Variants in TMEM263 observed in about 807,000 individuals in gnomAD.
TMEM263 encodes the protein transmembrane protein 263.
Under a neutral mutation model 8.6 loss-of-function variants are expected in TMEM263, and 5 were observed. The ratio of observed to expected loss-of-function variants is 0.58; its 90% CI spans 0.31 to 1.23. The LOEUF (loss-of-function observed/expected upper bound fraction) is 1.23, where lower values mean the gene tolerates loss of function less well. TMEM263 is among the 50% of genes most tolerant of loss of function. The pLI, the probability that TMEM263 is intolerant of heterozygous loss-of-function variation, is 0.07. For synonymous variants in TMEM263, 50 were observed against 47.9 expected, an observed-to-expected ratio of 1.04 and a Z score of -0.18; for missense variants, 104 against 138.8, an observed-to-expected ratio of 0.75 and a Z score of 1.26.
intron 2 of TMEM263, among the ~76,000 whole-genome samples, chr12:106,965,542 G>GC (rs1427549706): frequency 6.6e-6 from 1 of 150,930 alleles, no homozygotes; most frequent in Non-Finnish European, 1.5e-5. Flanking sequence ...GGGAGGCAGA[G>GC]TTGCAGTGAG....
intron 2 of TMEM263, among the ~76,000 whole-genome samples, chr12:106,960,502 A>G (rs1420156914): frequency 6.6e-6 from 1 of 152,212 alleles, no homozygotes; most frequent in African/African-American, 2.4e-5. Context: ...ACTACTGCTA[A>G]TAAATTTTAA....
At chr12:106,963,736 T>C (rs1951809210) in intron 2 of TMEM263, among the ~76,000 whole-genome samples, 1 of 152,238 alleles carries the variant, frequency 6.6e-6, no homozygotes, top group African/African-American at 2.4e-5. Context: ...ATCTATCTTA[T>C]GCTCTCATAA....
rs1314057238 is a variant in TMEM263 at position 106,972,156 on chromosome 12, A to G, written c.*765A>G. The stretch of plus-strand genomic sequence containing the variant: ...GTCAGTGGATAAGACAGAGCTTGTT[A>G]ACTGTTTTGGCAGTAGTTAAAATCA... On this transcript the variant is annotated 3_prime_UTR_variant, in exon 4 of 4. Coordinates refer to ENST00000280756, the MANE Select transcript of TMEM263 (RefSeq NM_152261.4). The G allele has an allele frequency of 6.6e-6, 1 of 152,460 alleles. No homozygotes were observed. Among genetic ancestry groups the G allele is most frequent in the Non-Finnish European group, 1.5e-5 (1 of 68,014 alleles). 9.4% of individuals were successfully genotyped at this position (152,460 alleles called of 1,614,324 possible).
At chr12:106,970,054 T>A (rs1184937203) in intron 3 of TMEM263, among the ~76,000 whole-genome samples, 1 of 152,200 alleles carries the variant, frequency 6.6e-6, no homozygotes, top group East Asian at 1.9e-4. Flanking sequence ...ATAGTTTCTC[T>A]ATCCTACTTA....
chr12:106,962,429 G>A (rs1013552571), intron 2 of TMEM263, among the ~76,000 whole-genome samples: 3 of 152,214 alleles, frequency 2.0e-5, no homozygotes, highest in Middle Eastern at 3.4e-3. Flanking sequence ...CCTCTCTTGC[G>A]TTCCATGAGG....
At chr12:106,966,858 A>G in intron 2 of TMEM263, 1 of 364,528 alleles carries the variant, frequency 2.7e-6, no homozygotes, top group South Asian at 4.0e-5. Context: ...AACATAGGAA[A>G]ACTTATACTA....
intron 2 of TMEM263, chr12:106,959,479 G>C (rs2136757625): frequency 6.6e-6 from 1 of 152,274 alleles, no homozygotes; most frequent in East Asian, 1.9e-4. Flanking sequence ...CTGACCTCAG[G>C]TCATCTGCCT....
intron 2 of TMEM263, among the ~76,000 whole-genome samples, chr12:106,962,927 C>T (rs957951632): frequency 1.3e-5 from 2 of 152,086 alleles, no homozygotes; most frequent in South Asian, 4.1e-4. Context: ...GTGAACAAAC[C>T]AAGCGTTTGT....
intron 2 of TMEM263, chr12:106,959,422 T>TA (rs1206477699): frequency 6.6e-6 from 1 of 152,158 alleles, no homozygotes; most frequent in Non-Finnish European, 1.5e-5. Context: ...TTTCTATTTT[T>TA]AGTAGAGATG....
intron 2 of TMEM263, among the ~76,000 whole-genome samples, chr12:106,957,772 C>T (rs1381222119): frequency 6.6e-6 from 1 of 152,158 alleles, no homozygotes; most frequent in Non-Finnish European, 1.5e-5. Flanking sequence ...AGTTATTACT[C>T]GTCTAAGTGG....
rs994676738 is a variant in TMEM263, at chr12:106,973,321, T to G, written c.*1930T>G. ...TTGTTTCCTGCTATTTGGAAGAGAT[T>G]GTTGCTTCATTGCTAGTTTGTATTT... On this transcript the variant is annotated 3_prime_UTR_variant, in exon 4 of 4. Transcript: ENST00000280756. 1 of 152,596 alleles carries G rather than the reference T, an allele frequency of 6.6e-6. No homozygotes were observed. Among genetic ancestry groups the G allele is most frequent in the Non-Finnish European group, 1.5e-5 (1 of 68,002 alleles). 9.5% of individuals were successfully genotyped at this position (152,596 alleles called of 1,614,324 possible). A position where few individuals can be genotyped will look rare whatever the true frequency, so the allele number is the denominator to read the frequency against.
At chr12:106,965,232 A>C (rs1951828921) in intron 2 of TMEM263, among the ~76,000 whole-genome samples, 1 of 152,128 alleles carries the variant, frequency 6.6e-6, no homozygotes, top group South Asian at 2.1e-4. Context: ...TCACCTAAAT[A>C]TCTTGTATCC....
intron 2 of TMEM263, among the ~76,000 whole-genome samples, chr12:106,961,565 C>T: frequency 6.6e-6 from 1 of 151,996 alleles, no homozygotes. Flanking sequence ...CCTAGTTGAG[C>T]TGGGATTTTA....
rs1204411993 is a variant in TMEM263, at chr12:106,973,603, TAC to T, written c.*2214_*2215del. 6.6e-6 allele frequency: 1 copy of T among 152,372 alleles called. No homozygotes were observed. The highest frequency in any genetic ancestry group is 1.5e-5 in the Non-Finnish European group (1 of 68,022). The allele number at this position is 152,372 out of a possible 1,614,324, so 9.4% of individuals were successfully genotyped here. A position where few individuals can be genotyped will look rare whatever the true frequency, so the allele number is the denominator to read the frequency against. On this transcript the variant is annotated 3_prime_UTR_variant, in exon 4 of 4. Transcript: ENST00000280756. ...ATGATAGCAGAAAACTGTACAAATGTACAGTTAGTTATAGAGGTTCTTGTTGA... is the reference window on the plus strand; with the variant it reads ...ATGATAGCAGAAAACTGTACAAATGTAGTTAGTTATAGAGGTTCTTGTTGA...
chr12:106,961,100 G>T (rs534134960), intron 2 of TMEM263, among the ~76,000 whole-genome samples: 2 of 152,136 alleles, frequency 1.3e-5, no homozygotes, highest in South Asian at 2.1e-4. Flanking sequence ...TATGGCTGAG[G>T]CTGGAGTGCA....
At chr12:106,960,183 C>T (rs919470335) in intron 2 of TMEM263, among the ~76,000 whole-genome samples, 7 of 152,006 alleles carry the variant, frequency 4.6e-5, no homozygotes, top group African/African-American at 7.3e-5. Context: ...TACAGGCATG[C>T]GCCACCATGC....
chr12:106,959,903 C>T (rs1021564126), intron 2 of TMEM263, among the ~76,000 whole-genome samples: 3 of 151,952 alleles, frequency 2.0e-5, no homozygotes, highest in African/African-American at 7.3e-5. Flanking sequence ...AAAAAAATCT[C>T]AAATACTTGT....
At chr12:106,960,335 C>CT (rs1951754733) in intron 2 of TMEM263, among the ~76,000 whole-genome samples, 1 of 151,152 alleles carries the variant, frequency 6.6e-6, no homozygotes, top group African/African-American at 2.4e-5. Context: ...ATGTCCGGCC[C>CT]TTGTTTTTTT....
intron 2 of TMEM263, among the ~76,000 whole-genome samples, chr12:106,961,223 AATTTTTTTTTTT>A: frequency 1.0e-5 from 1 of 96,678 alleles, no homozygotes; most frequent in African/African-American, 4.2e-5. Flanking sequence ...GTGCCCAGTC[AATTTTTTTTTTT>A]TTTTTTTTTT....
Sources: allele counts gnomAD v4.1 joint callset (sites outside exome capture counted in the v4.1 genomes callset), GRCh38; gene constraint gnomAD v4.1.1; transcripts MANE v1.5; gene names NCBI Gene and HGNC (gene_info 2026-07-23, HGNC 2026-07-21).